The following PALS2 variants were observed in gnomAD, a reference collection of about 807,000 sequenced individuals.
The protein encoded by PALS2 is protein associated with LIN7 2, MAGUK p55 family member.
A neutral mutation model predicts 61.6 loss-of-function variants in PALS2; 27 were observed. The ratio of observed to expected loss-of-function variants is 0.44; its 90% confidence interval spans 0.32 to 0.60. PALS2 has a LOEUF of 0.60. PALS2 is among the 20% of genes least tolerant of loss of function. The pLI, the probability that PALS2 is intolerant of heterozygous loss-of-function variation, is 0.05. For synonymous variants in PALS2, 236 were observed against 218.6 expected (o/e 1.08, Z -0.70); for missense variants, 554 against 639.4 (o/e 0.87, Z 1.44).
chr7:24,596,573 T>G lies in PALS2; in HGVS notation c.-3+22980T>G, dbSNP rs1049362257. On this transcript the variant is annotated intron_variant, in intron 1 of 11. Coordinates refer to ENST00000222644, the MANE Select transcript of PALS2 (RefSeq NM_001303037.2). This position sits in a 1 kb window ranked among gnomAD's most constrained non-coding sequence, Gnocchi z 4.5. ...AATTTTGATTCATTATACTACATAT[T>G]TTCTTGTAAAATAATGAAGTTTTGA... Among the ~76,000 whole-genome samples, 5 of 152,154 alleles carry G rather than the reference T, an allele frequency of 3.3e-5. No individual in the cohort carries two copies. Among genetic ancestry groups the G allele is most frequent in the African/African-American group, 1.2e-4 (5 of 41,434 alleles).
At chr7:24,614,774 A>G (rs1424879851) in intron 1 of PALS2, among the ~76,000 whole-genome samples, 1 of 152,016 alleles carries the variant, frequency 6.6e-6, no homozygotes, top group Non-Finnish European at 1.5e-5. Context: ...CAACAGCTGC[A>G]GAATACACAT....
intron 1 of PALS2, among the ~76,000 whole-genome samples, chr7:24,583,193 C>T (rs1782913826): frequency 6.6e-6 from 1 of 151,866 alleles, no homozygotes; most frequent in Non-Finnish European, 1.5e-5. Flanking sequence ...GCCTGGAAAT[C>T]ATTCATATTT....
chr7:24,604,586 C>A (rs1783831339), intron 1 of PALS2, among the ~76,000 whole-genome samples: 1 of 151,956 alleles, frequency 6.6e-6, no homozygotes, highest in Non-Finnish European at 1.5e-5. Context: ...AATAGTGGCC[C>A]CAAACCATCT....
In PALS2 at chr7:24,642,807, T is replaced by G. The variant is rs138910256; in HGVS notation, c.270+939T>G. Among the ~76,000 whole-genome samples the G allele has an allele frequency of 3.7e-4, 57 of 152,262 alleles. No homozygotes were observed. The East Asian group carries it at 0.011, about 28-fold the overall frequency. ...ACACATATCTCAGAGACATATCCTG[T>G]GCAGGTCCCAGTTGATTGAGTCCTT... is the stretch of plus-strand genomic sequence containing the variant. On this transcript the variant is annotated intron_variant, in intron 3 of 11. Coordinates refer to ENST00000222644, the MANE Select transcript of PALS2 (RefSeq NM_001303037.2).
intron 1 of PALS2, among the ~76,000 whole-genome samples, chr7:24,580,403 A>G (rs866713103): frequency 3.9e-5 from 6 of 152,208 alleles, no homozygotes; most frequent in South Asian, 4.1e-4. Flanking sequence ...CCATTTTAAT[A>G]ATGAAATCAT....
chr7:24,625,820 C>G (rs559179787), intron 2 of PALS2, among the ~76,000 whole-genome samples: 1 of 152,114 alleles, frequency 6.6e-6, no homozygotes, highest in South Asian at 2.1e-4. Context: ...CAGGCAGATT[C>G]TTAATAAGGA....
intron 11 of PALS2, among the ~76,000 whole-genome samples, chr7:24,684,396 G>T (rs1400170620): frequency 6.6e-6 from 1 of 152,170 alleles, no homozygotes; most frequent in Non-Finnish European, 1.5e-5. Flanking sequence ...TTAAATTGTT[G>T]TGTCTTCAGC....
At chr7:24,579,555 C>T (rs559689436) in intron 1 of PALS2, among the ~76,000 whole-genome samples, 81 of 152,126 alleles carry the variant, frequency 5.3e-4, no homozygotes, top group Middle Eastern at 3.4e-3. Flanking sequence ...TACCCCTTTC[C>T]ATCTTCTCCA....
chr7:24,650,946 T>G (rs1407027379), intron 5 of PALS2, among the ~76,000 whole-genome samples: 1 of 152,182 alleles, frequency 6.6e-6, no homozygotes, highest in African/African-American at 2.4e-5. Context: ...CCTGGCATAA[T>G]AGTAACCTAC....
chr7:24,635,381 A>C (rs1343776229), intron 2 of PALS2, among the ~76,000 whole-genome samples: 2 of 152,120 alleles, frequency 1.3e-5, no homozygotes, highest in Non-Finnish European at 2.9e-5. Context: ...AATATAATTG[A>C]TTTTTGTATA....
intron 4 of PALS2, among the ~76,000 whole-genome samples, chr7:24,650,164 T>G (rs950916796): frequency 2.0e-5 from 3 of 152,174 alleles, no homozygotes; most frequent in Non-Finnish European, 4.4e-5. Flanking sequence ...TTGGTAAAAT[T>G]ATTACTTCTG....
intron 1 of PALS2, among the ~76,000 whole-genome samples, chr7:24,583,817 C>G (rs1367506905): frequency 1.3e-5 from 2 of 151,952 alleles, no homozygotes; most frequent in African/African-American, 4.8e-5. Context: ...CCCTCTCCCC[C>G]GACCCCACCA....
intron 3 of PALS2, among the ~76,000 whole-genome samples, chr7:24,644,845 G>A (rs1785748644): frequency 6.6e-6 from 1 of 151,972 alleles, no homozygotes; most frequent in South Asian, 2.1e-4. Context: ...CATTCTGACT[G>A]GTGTGAGATG....
chr7:24,676,533 A>G (rs1388331229), intron 9 of PALS2, among the ~76,000 whole-genome samples: 1 of 151,998 alleles, frequency 6.6e-6, no homozygotes, highest in Non-Finnish European at 1.5e-5. Flanking sequence ...TCTTTAATCC[A>G]TCTTGAATTG....
chr7:24,628,862 C>G (rs567074093), intron 2 of PALS2, among the ~76,000 whole-genome samples: 3 of 152,270 alleles, frequency 2.0e-5, no homozygotes, highest in Admixed American at 2.0e-4. Context: ...AATGGAAAAA[C>G]ATTCCATGCT....
intron 4 of PALS2, among the ~76,000 whole-genome samples, chr7:24,650,009 A>G (rs1786057328): frequency 6.6e-6 from 1 of 152,176 alleles, no homozygotes. Flanking sequence ...AAAATTTCAG[A>G]AGATGACTAT....
chr7:24,637,380 TTCTC>T (rs772747917), intron 2 of PALS2, among the ~76,000 whole-genome samples: 4 of 151,302 alleles, frequency 2.6e-5, no homozygotes, highest in African/African-American at 9.7e-5. Context: ...GAGTTCTCCA[TTCTC>T]TCTGTCTCAT....
chr7:24,585,633 T>C (rs1196140967), intron 1 of PALS2, among the ~76,000 whole-genome samples: 1 of 152,198 alleles, frequency 6.6e-6, no homozygotes, highest in Non-Finnish European at 1.5e-5. Flanking sequence ...CTGTCTGTCC[T>C]TATTCTCATC....
Position 24,638,011 on chromosome 7 carries a change from C to T in PALS2, c.118-3705C>T, listed in dbSNP as rs143527104. Among the ~76,000 whole-genome samples, 362 of 152,158 alleles carry T rather than the reference C, an allele frequency of 2.4e-3. 5 individuals are homozygous for T. The highest frequency in any genetic ancestry group is 0.019 in the Admixed American group (289 of 15,280). On this transcript the variant is annotated intron_variant, in intron 2 of 11. Transcript: ENST00000222644. ...ATTTAAATAGTATGTGGCTCACTTG[C>T]TCCTCTGGTTATTTTTTGTGTGTGT...
Sources: gnomAD v4.1 joint callset for allele counts (sites outside exome capture counted in the v4.1 genomes callset) on GRCh38, gnomAD v4.1.1 for gene constraint, Gnocchi (gnomAD v3.1) non-coding constraint, MANE v1.5 for transcripts, NCBI Gene and HGNC (gene_info 2026-07-23, HGNC 2026-07-21) for gene names.